The following ABHD12 variants were observed in gnomAD, a reference collection of about 807,000 sequenced individuals.
ABHD12 encodes the protein lysophosphatidylserine lipase ABHD12.
In ABHD12, 43 loss-of-function variants were observed where a neutral mutation model predicts 58.3. The observed-to-expected ratio is 0.74, with a 90% CI of 0.58 to 0.95. The LOEUF is 0.95. ABHD12 is among the 40% of genes least tolerant of loss of function. ABHD12 has a pLI of 0.00. For missense variants in ABHD12, 539 were observed against 537.2 expected, an observed-to-expected ratio of 1.00 and a Z score of -0.03; for synonymous variants, 219 against 211.2, an observed-to-expected ratio of 1.04 and a Z score of -0.32.
chr20:25,322,378 TATA>T lies in ABHD12; in HGVS notation c.422+944_422+946del, dbSNP rs200802649. ...CTTGGAAAAGATATATATATATATA[TATA>T]TTTTTTTTTTTTTTTGAGACAAGAG... On this transcript the variant is annotated intron_variant, in intron 3 of 12. Coordinates refer to ENST00000339157, the MANE Select transcript of ABHD12 (RefSeq NM_001042472.3). 2.7e-3 allele frequency among the ~76,000 whole-genome samples: 158 copies of T among 58,880 alleles called. 5 individuals are homozygous for T. The highest frequency in any genetic ancestry group is 5.6e-3 in the African/African-American group (71 of 12,620). The allele number at this position is 58,880 out of a possible 152,430, so 38.6% of individuals were successfully genotyped here.
At chr20:25,384,015 G>A (rs1257680011) in intron 1 of ABHD12, among the ~76,000 whole-genome samples, 3 of 143,728 alleles carry the variant, frequency 2.1e-5, no homozygotes, top group Non-Finnish European at 4.5e-5. Context: ...GGTGGCGGGC[G>A]CCCATAGTCC....
intron 1 of ABHD12, chr20:25,368,327 C>T: frequency 1.3e-6 from 2 of 1,548,808 alleles, no homozygotes; most frequent in Admixed American, 1.7e-5. Flanking sequence ...CTTGCCATTC[C>T]TGGAACCACA....
At chr20:25,371,603 T>C (rs939692608) in intron 1 of ABHD12, among the ~76,000 whole-genome samples, 2 of 152,356 alleles carry the variant, frequency 1.3e-5, no homozygotes, top group Admixed American at 1.3e-4. Flanking sequence ...GCCGGGTTTT[T>C]ATTTTGCCAA....
At chr20:25,299,556 C>T (rs966529798), downstream of ABHD12, among the ~76,000 whole-genome samples, 2 of 151,814 alleles carry the variant, frequency 1.3e-5, no homozygotes, top group African/African-American at 2.4e-5. Flanking sequence ...ACCTCTGCTT[C>T]GTGGTCAGGA....
At chr20:25,381,859 C>T (rs766305118) in intron 1 of ABHD12, among the ~76,000 whole-genome samples, 6 of 152,174 alleles carry the variant, frequency 3.9e-5, no homozygotes, top group South Asian at 2.1e-4. Flanking sequence ...TGTTTCACCA[C>T]GTTGGCCAGG....
At chr20:25,339,518 T>C in intron 1 of ABHD12, 167 bp from the exon 2 acceptor site, 1 of 1,388,920 alleles carries the variant, frequency 7.2e-7, no homozygotes, top group Non-Finnish European at 1.0e-6. Context: ...ACTCAAGTAA[T>C]TATTTTACAT....
chr20:25,306,180 CAA>C (rs11474922), intron 10 of ABHD12, among the ~76,000 whole-genome samples: 188 of 137,494 alleles, frequency 1.4e-3, no homozygotes, highest in South Asian at 1.6e-3. Flanking sequence ...AAAACAAAAA[CAA>C]AAAAAAAAAA....
chr20:25,338,806 C>A, intron 2 of ABHD12: 1 of 1,003,190 alleles, frequency 1.0e-6, no homozygotes, highest in Non-Finnish European at 1.2e-6. Flanking sequence ...CAGCTAGGCT[C>A]CTGGAATGCA....
At chr20:25,377,356 G>C (rs1371987731) in intron 1 of ABHD12, among the ~76,000 whole-genome samples, 1 of 152,134 alleles carries the variant, frequency 6.6e-6, no homozygotes, top group Non-Finnish European at 1.5e-5. Context: ...CCTATTCTTA[G>C]TCAGTTTTTT....
intron 1 of ABHD12, among the ~76,000 whole-genome samples, chr20:25,353,254 G>A (rs934394564): frequency 4.3e-5 from 5 of 117,404 alleles, no homozygotes; most frequent in Non-Finnish European, 1.0e-4. Context: ...TGTTTTTTTT[G>A]TTTGTTTCTG....
intron 2 of ABHD12, among the ~76,000 whole-genome samples, chr20:25,337,482 C>T (rs1454833447): frequency 6.6e-6 from 1 of 152,242 alleles, no homozygotes; most frequent in Non-Finnish European, 1.5e-5. Flanking sequence ...CTTAGGAAAC[C>T]CACAGAACAA....
At chr20:25,383,573 C>G (rs1268671549) in intron 1 of ABHD12, among the ~76,000 whole-genome samples, 2 of 152,142 alleles carry the variant, frequency 1.3e-5, no homozygotes, top group African/African-American at 4.8e-5. Context: ...GTAATCCCAG[C>G]ACTTTGGGAA....
At chr20:25,355,875 G>GA (rs1337419340) in intron 1 of ABHD12, among the ~76,000 whole-genome samples, 2 of 149,516 alleles carry the variant, frequency 1.3e-5, no homozygotes, top group African/African-American at 4.9e-5. Context: ...GTATTTTTAA[G>GA]AAAAAAAAGT....
intron 1 of ABHD12, among the ~76,000 whole-genome samples, chr20:25,349,098 A>C (rs2089562791): frequency 6.6e-6 from 1 of 150,454 alleles, no homozygotes; most frequent in Non-Finnish European, 1.5e-5. Context: ...AAAAAAAAAA[A>C]AGAAAAAAAG....
chr20:25,300,575 T>G lies in ABHD12; in HGVS notation c.*270A>C. On this transcript the variant is annotated 3_prime_UTR_variant, in exon 13 of 13. Transcript: ENST00000339157. ...AGGCAGTGATGGCTGCCTGCTGCCATTAAGTCTCCCAACAAGATCTCAGGT... is the reference window on the plus strand; with the variant it reads ...AGGCAGTGATGGCTGCCTGCTGCCAGTAAGTCTCCCAACAAGATCTCAGGT... 4 of 1,415,682 alleles carry G rather than the reference T, an allele frequency of 2.8e-6. No homozygotes were observed. Among genetic ancestry groups the G allele is most frequent in the Non-Finnish European group, 2.8e-6 (3 of 1,087,888 alleles). The allele number at this position is 1,415,682 out of a possible 1,614,324, so 87.7% of individuals were successfully genotyped here.
chr20:25,304,662 G>C (rs1179915621), intron 10 of ABHD12, among the ~76,000 whole-genome samples: 1 of 151,800 alleles, frequency 6.6e-6, no homozygotes, highest in Admixed American at 6.6e-5. Flanking sequence ...CTGCCTCCTG[G>C]GTTCAAGTGA....
intron 9 of ABHD12, among the ~76,000 whole-genome samples, 156 bp downstream of exon 9, chr20:25,307,810 G>C (rs2088772736): frequency 1.3e-5 from 2 of 152,174 alleles, no homozygotes; most frequent in Admixed American, 6.5e-5. Flanking sequence ...GGGCAGCTCT[G>C]TGGCCAAAAC....
intron 10 of ABHD12, 127 bp from the exon 11 acceptor site, chr20:25,303,755 T>C: frequency 1.5e-6 from 2 of 1,317,602 alleles, no homozygotes; most frequent in Non-Finnish European, 2.1e-6. Flanking sequence ...GCTGGATTTC[T>C]TTTTACTAGA....
downstream of ABHD12, chr20:25,296,609 C>T (rs904645439): frequency 6.1e-6 from 9 of 1,471,898 alleles, no homozygotes; most frequent in Non-Finnish European, 8.2e-6. Flanking sequence ...TTGCCAGCCA[C>T]TGGTGGTCCC....
Sources: allele counts gnomAD v4.1 joint callset (sites outside exome capture counted in the v4.1 genomes callset), GRCh38; gene constraint gnomAD v4.1.1; transcripts MANE v1.5; gene names NCBI Gene and HGNC (gene_info 2026-07-23, HGNC 2026-07-21).